The following UMOD variants were observed in gnomAD, a reference collection of about 807,000 sequenced individuals.
UMOD encodes the protein uromodulin, also known as Tamm-Horsfall urinary glycoprotein.
UMOD carries 64 observed loss-of-function variants against 66.0 expected under a neutral mutation model. The ratio of observed to expected loss-of-function variants is 0.97; its 90% CI spans 0.79 to 1.19. The LOEUF (loss-of-function observed/expected upper bound fraction) is 1.19. Among genes scored for constraint, UMOD ranks in the 50% most tolerant of loss-of-function variants. UMOD has a pLI of 0.00. For missense variants in UMOD, 764 were observed against 850.9 expected (o/e 0.90, Z 1.27); for synonymous variants, 398 against 352.7 (o/e 1.13, Z -1.44).
In UMOD at chr16:20,348,947, G is replaced by A; in HGVS notation, c.354C>T (p.Ser118=). 1.9e-6 allele frequency: 3 copies of A among 1,573,296 alleles called. No homozygotes were observed. The highest frequency in any genetic ancestry group is 2.6e-6 in the Non-Finnish European group (3 of 1,159,608). ...DVDECAEPGL[S]HCHALATCVN... is the part of the protein sequence containing the mutation. ...CACATGTGGCCAGGGCGTGGCAGTG[G>A]CTAAGCCCAGGCTCAGCGCACTCAT... Residue 118 remains serine (S), a synonymous_variant, in exon 3 of 11, where the codon AGC becomes AGT. Coordinates refer to ENST00000396138, the MANE Select transcript of UMOD (RefSeq NM_003361.4).
chr16:20,345,157 G>A (rs1965471508), intron 5 of UMOD, among the ~76,000 whole-genome samples: 1 of 152,000 alleles, frequency 6.6e-6, no homozygotes, highest in South Asian at 2.1e-4. Context: ...GGGATTACAG[G>A]TGCCCACCAA....
chr16:20,352,926 G>A (rs1021713242), upstream of UMOD: 13 of 400,604 alleles, frequency 3.2e-5, no homozygotes, highest in African/African-American at 2.5e-4. Flanking sequence ...ACATTGGGGG[G>A]TCACACCTGT....
chr16:20,343,334 C>A (rs2141655060), intron 6 of UMOD, among the ~76,000 whole-genome samples: 1 of 152,190 alleles, frequency 6.6e-6, no homozygotes. Flanking sequence ...TGCCAGGGCA[C>A]CTCCCTTGGC....
chr16:20,334,011 G>A (rs1296274941), intron 10 of UMOD, among the ~76,000 whole-genome samples: 1 of 132,338 alleles, frequency 7.6e-6, no homozygotes, highest in Non-Finnish European at 1.5e-5. Context: ...TCCAGCCTGG[G>A]TGACAGAGCA....
intron 7 of UMOD, among the ~76,000 whole-genome samples, chr16:20,338,352 G>A (rs1964995548): frequency 6.6e-6 from 1 of 152,066 alleles, no homozygotes; most frequent in Non-Finnish European, 1.5e-5. Context: ...CATGCCTTGT[G>A]ATGTTCTGAC....
chr16:20,338,580 T>C (rs888022628), intron 7 of UMOD, among the ~76,000 whole-genome samples: 1 of 152,130 alleles, frequency 6.6e-6, no homozygotes, highest in African/African-American at 2.4e-5. Context: ...CTGCAACCTC[T>C]GCCTCCCAGT....
chr16:20,355,790 G>C (rs1258761344), upstream of UMOD, among the ~76,000 whole-genome samples: 1 of 152,094 alleles, frequency 6.6e-6, no homozygotes, highest in African/African-American at 2.4e-5. Context: ...CACTTCTCTT[G>C]GGTCAGACAC....
intron 5 of UMOD, among the ~76,000 whole-genome samples, chr16:20,345,400 T>TCTTTCTTTCTTTC (rs1965490852): frequency 1.3e-5 from 1 of 77,958 alleles, no homozygotes; most frequent in Admixed American, 1.3e-4. Flanking sequence ...TTTTCTTTTT[T>TCTTTCTTTCTTTC]TTTCTTTCTT....
chr16:20,338,369 C>G (rs1259375168), intron 7 of UMOD, among the ~76,000 whole-genome samples: 2 of 152,148 alleles, frequency 1.3e-5, no homozygotes, highest in Admixed American at 6.5e-5. Context: ...TGACACCTAT[C>G]CTACACTGGT....
At chr16:20,334,032 CA>C (rs575596167) in intron 10 of UMOD, among the ~76,000 whole-genome samples, 2,249 of 57,004 alleles carry the variant, frequency 0.039, 32 homozygotes, top group African/African-American at 0.13. Context: ...GATTCCATCT[CA>C]AAAAAAAAAA....
At chr16:20,345,616 TGGTAATGA>T (rs1157067968) in intron 5 of UMOD, among the ~76,000 whole-genome samples, 1 of 151,058 alleles carries the variant, frequency 6.6e-6, no homozygotes, top group Admixed American at 6.6e-5. Context: ...TTTCTTCCTC[TGGTAATGA>T]GGGAGGTGGC....
chr16:20,344,194 G>T, intron 5 of UMOD, 22 bp from the exon 6 acceptor site: 6 of 1,455,250 alleles, frequency 4.1e-6, no homozygotes, highest in Non-Finnish European at 5.7e-6. Flanking sequence ...AATGGGGGTG[G>T]AGGGGGGGTG....
upstream of UMOD, among the ~76,000 whole-genome samples, chr16:20,355,409 CTTTT>C (rs71377648): frequency 1.4e-5 from 2 of 139,282 alleles, no homozygotes; most frequent in East Asian, 2.0e-4. Flanking sequence ...TTTTCTTCTT[CTTTT>C]TTTTTTTTTT....
At chr16:20,344,209 T>A in intron 5 of UMOD, 37 bp from the exon 6 acceptor site, 4 of 1,496,944 alleles carry the variant, frequency 2.7e-6, no homozygotes, top group East Asian at 2.4e-5. Context: ...GGGGTGGGGA[T>A]GAGAGAAAGG....
chr16:20,346,014 G>C, intron 5 of UMOD, 112 bp downstream of exon 5: 1 of 960,684 alleles, frequency 1.0e-6, no homozygotes, highest in South Asian at 1.6e-5. Flanking sequence ...TGATGAAACT[G>C]AGGCACAGCC....
upstream of UMOD, among the ~76,000 whole-genome samples, chr16:20,354,242 A>G (rs573329480): frequency 5.9e-5 from 9 of 152,292 alleles, no homozygotes; most frequent in African/African-American, 2.2e-4. Context: ...ACTCAGTGGT[A>G]GGGTAACCAC....
chr16:20,340,085 C>T (rs889018125), intron 7 of UMOD, among the ~76,000 whole-genome samples: 2 of 152,094 alleles, frequency 1.3e-5, no homozygotes, highest in Non-Finnish European at 2.9e-5. Flanking sequence ...AATTATAAAC[C>T]CTACTCAGCT....
chr16:20,349,782 G>A, intron 2 of UMOD: 1 of 1,494,240 alleles, frequency 6.7e-7, no homozygotes, highest in Non-Finnish European at 9.1e-7. Flanking sequence ...TCCCTGGCTG[G>A]TGAAATCTTC....
At position 20,349,044 on chromosome 16, in the gene UMOD, G is replaced by GT. The variant is rs1567311093; in HGVS notation, c.256dup (p.Thr86AsnfsTer26). ...GCAGACGCAGGAGAAGGAGCCTGGCGTGTTTACGCAGCTGCTGTTGGCGGA... is the reference window on the plus strand; with the variant it reads ...GCAGACGCAGGAGAAGGAGCCTGGCGTTGTTTACGCAGCTGCTGTTGGCGGA... On this transcript the variant is annotated frameshift_variant, in exon 3 of 11. Transcript: ENST00000396138. LOFTEE classifies it high-confidence loss of function. 1.2e-6 allele frequency: 2 copies of GT among 1,602,604 alleles called. No individual in the cohort carries two copies. The highest frequency in any genetic ancestry group is 3.4e-5 in the Admixed American group (2 of 58,246).
Sources: allele counts gnomAD v4.1 joint callset (sites outside exome capture counted in the v4.1 genomes callset), GRCh38; gene constraint gnomAD v4.1.1; transcripts MANE v1.5; gene names NCBI Gene and HGNC (gene_info 2026-07-23, HGNC 2026-07-21).